The following ZNF688 variants were observed in gnomAD, a reference collection of about 807,000 sequenced individuals.
ZNF688 encodes zinc finger protein 688.
Under a neutral mutation model 13.2 loss-of-function variants are expected in ZNF688, and 10 were observed. The observed-to-expected ratio is 0.76, with a 90% CI of 0.47 to 1.28. ZNF688 has a LOEUF of 1.28. Among genes scored for constraint, ZNF688 ranks in the 50% most tolerant of loss-of-function variants. The pLI is 0.00. For synonymous variants in ZNF688, 160 were observed against 159.4 expected (o/e 1.00, Z -0.03); for missense variants, 381 against 391.4 (o/e 0.97, Z 0.22).
chr16:30,576,758 G>T (rs2051751600), upstream of ZNF688, among the ~76,000 whole-genome samples: 1 of 151,904 alleles, frequency 6.6e-6, no homozygotes, highest in Non-Finnish European at 1.5e-5. Context: ...CTTCTATTAT[G>T]ATTATTATTA....
At chr16:30,578,677 C>T in the ZNF688 span, 2 of 152,146 alleles carry the variant, frequency 1.3e-5, no homozygotes, top group African/African-American at 4.8e-5. Flanking sequence ...GCATGTGCCA[C>T]CATGCCTGGC....
chr16:30,578,018 G>A, the ZNF688 span, among the ~76,000 whole-genome samples: 1 of 152,092 alleles, frequency 6.6e-6, no homozygotes, highest in African/African-American at 2.4e-5. Context: ...TAGCTGATGA[G>A]TTGTTTTTCC....
the ZNF688 span, chr16:30,578,238 A>C: frequency 6.6e-6 from 1 of 152,284 alleles, no homozygotes. Flanking sequence ...GGCTGAGATG[A>C]GAACGAGAAA....
At position 30,571,117 on chromosome 16, in the gene ZNF688, G is replaced by A; in HGVS notation, c.203C>T (p.Pro68Leu). 2 of 1,574,702 alleles carry A rather than the reference G, an allele frequency of 1.3e-6. No individual in the cohort carries two copies. Among genetic ancestry groups the A allele is most frequent in the Non-Finnish European group, 8.6e-7 (1 of 1,160,854 alleles). Residue 68 changes from proline (P) to leucine (L), a missense_variant, in exon 2 of 3, where the codon CCA becomes CTA. Coordinates refer to ENST00000223459, the MANE Select transcript of ZNF688 (RefSeq NM_145271.4). Reference sequence around the variant, plus strand: ...AGAGATGAGGGCTGGTTTGGGGCCTGGGAATCCTGGGAGAGAACAGGGATC... The same window carrying A: ...AGAGATGAGGGCTGGTTTGGGGCCTAGGAATCCTGGGAGAGAACAGGGATC... ...TYGHLGALGFPGPKPALISWM... is the reference protein window; with the variant it reads ...TYGHLGALGFLGPKPALISWM...
chr16:30,573,097 G>A (rs1036646986), upstream of ZNF688, among the ~76,000 whole-genome samples: 4 of 151,708 alleles, frequency 2.6e-5, no homozygotes, highest in Non-Finnish European at 5.9e-5. Context: ...GTAGAGACGG[G>A]GTTTCTCCAT....
the ZNF688 span, among the ~76,000 whole-genome samples, chr16:30,578,097 G>A: frequency 3.3e-5 from 5 of 152,156 alleles, no homozygotes; most frequent in African/African-American, 1.2e-4. Context: ...CTACCACTTT[G>A]GGAGGCTCAG....
At chr16:30,575,675 A>G (rs1216140121), upstream of ZNF688, among the ~76,000 whole-genome samples, 1 of 142,658 alleles carries the variant, frequency 7.0e-6, no homozygotes, top group East Asian at 2.0e-4. Flanking sequence ...TTTTTTTTGG[A>G]GAAGGAGTTT....
chr16:30,579,740 T>C, the ZNF688 span: 1 of 452,008 alleles, frequency 2.2e-6, no homozygotes, highest in East Asian at 7.0e-5. Context: ...TTCAAAGAGA[T>C]ATTTGAGTCA....
chr16:30,575,066 T>A (rs973173162), upstream of ZNF688, among the ~76,000 whole-genome samples: 4 of 152,210 alleles, frequency 2.6e-5, no homozygotes, highest in African/African-American at 9.7e-5. Context: ...CCACTGTGTA[T>A]ATATATCATA....
At chr16:30,572,973 C>G (rs536108835), upstream of ZNF688, among the ~76,000 whole-genome samples, 1 of 152,270 alleles carries the variant, frequency 6.6e-6, no homozygotes, top group Non-Finnish European at 1.5e-5. Context: ...ATGGCGCTAT[C>G]TAGGCTCACC....
Position 30,570,399 on chromosome 16 carries a change from TTCC to T in ZNF688, c.345_347del (p.Glu116del). The T allele has an allele frequency of 6.2e-7, 1 of 1,613,380 alleles. No individual in the cohort carries two copies. Among genetic ancestry groups the T allele is most frequent in the Middle Eastern group, 1.7e-4 (1 of 6,060 alleles). On this transcript the variant is annotated inframe_deletion, in exon 3 of 3. Transcript: ENST00000223459. ...TTCTAGGCCCTTTGGCTCTTGGGAC[TTCC>T]TCCGGTTCCTCTTCCTTCCTGTTTG...
In ZNF688 at chr16:30,569,892, C is replaced by G. The variant is rs778788970; in HGVS notation, c.*24G>C. 21 of 1,513,626 alleles carry G rather than the reference C, an allele frequency of 1.4e-5. No homozygotes were observed. The East Asian group carries it at 4.6e-4, about 33-fold the overall frequency. The allele number at this position is 1,513,626 out of a possible 1,614,324, so 93.8% of individuals were successfully genotyped here. ...GTCAGTCCTTCGTGCCAAGGTCAGGCTCAACTCCAGCCTGCGGTGCCGCTC... is the reference window on the plus strand; with the variant it reads ...GTCAGTCCTTCGTGCCAAGGTCAGGGTCAACTCCAGCCTGCGGTGCCGCTC... On this transcript the variant is annotated 3_prime_UTR_variant, in exon 3 of 3. Transcript: ENST00000223459.
Position 30,569,989 on chromosome 16 carries a change from G to C in ZNF688, c.758C>G (p.Ala253Gly). The change falls in exon 3 of 3, where the codon GCC becomes GGC. Residue 253 changes from alanine to glycine, a missense_variant. By Grantham distance (60) the Ala-to-Gly change is moderately conservative (BLOSUM62 0). Transcript: ENST00000223459. The part of the protein sequence containing the change: ...RRPGIRAVPR[A>G]PVRGDRDPPV... ...CGGGTCCCGGTCACCTCGGACGGGGGCCCGAGGCACAGCCCGGATCCCAGG... is the reference window on the plus strand; with the variant it reads ...CGGGTCCCGGTCACCTCGGACGGGGCCCCGAGGCACAGCCCGGATCCCAGG... 5.6e-6 allele frequency: 9 copies of C among 1,607,116 alleles called. No homozygotes were observed. Among genetic ancestry groups the C allele is most frequent in the Non-Finnish European group, 6.8e-6 (8 of 1,177,194 alleles).
chr16:30,573,820 AAAT>A (rs2051720984), upstream of ZNF688: 3 of 245,178 alleles, frequency 1.2e-5, no homozygotes, highest in Non-Finnish European at 2.6e-5. Flanking sequence ...GTTAATAATT[AAAT>A]ATTATTAATA....
intron 2 of ZNF688, 109 bp downstream of exon 2, chr16:30,570,901 A>C: frequency 8.4e-7 from 1 of 1,188,222 alleles, no homozygotes; most frequent in African/African-American, 1.5e-5. Context: ...TCTAGTACCC[A>C]ACACAGTTGA....
rs766386255 is a variant in ZNF688, at chr16:30,571,009, C to T, written c.310+1G>A. 20 of 1,613,756 alleles carry T rather than the reference C, an allele frequency of 1.2e-5. No homozygotes were observed. In the Admixed American group the frequency reaches 3.3e-4, roughly 27 times the overall value. ...TGGGGGGACCCGGGACTATCCCTCA[C>T]CTCTCCGAGCTCCTCCCAGTCTTTC... On this transcript the variant is annotated splice_donor_variant, in intron 2 of 2. Coordinates refer to ENST00000223459, the MANE Select transcript of ZNF688 (RefSeq NM_145271.4). LOFTEE classifies it high-confidence loss of function.
chr16:30,571,012 C>G lies in ZNF688; in HGVS notation c.308G>C (p.Arg103Thr). Reference protein sequence around the residue: ...EKGERLGGARRGDVPNRKEEE... With the variant: ...EKGERLGGARTGDVPNRKEEE... ...GGGGACCCGGGACTATCCCTCACCT[C>G]TCCGAGCTCCTCCCAGTCTTTCCCC... is the stretch of plus-strand genomic sequence containing the variant. The change falls in exon 2 of 3, where the codon AGA becomes ACA. Residue 103 changes from arginine to threonine, a missense_variant and splice_region_variant. Arg to Thr is a moderately conservative substitution (Grantham distance 71). Coordinates refer to ENST00000223459, the MANE Select transcript of ZNF688 (RefSeq NM_145271.4). 1 of 1,613,960 alleles carries G rather than the reference C, an allele frequency of 6.2e-7. No homozygotes were observed. Among genetic ancestry groups the G allele is most frequent in the Non-Finnish European group, 8.5e-7 (1 of 1,179,954 alleles).
At chr16:30,571,201 AC>A in intron 1 of ZNF688, 78 bp from the exon 2 acceptor site, 1 of 1,514,752 alleles carries the variant, frequency 6.6e-7, no homozygotes, top group Non-Finnish European at 8.8e-7. Context: ...GGCTGAGGGC[AC>A]CCCCTCGGAG....
intron 1 of ZNF688, 21 bp downstream of exon 1, chr16:30,571,413 G>T: frequency 1.9e-6 from 3 of 1,551,448 alleles, no homozygotes; most frequent in Non-Finnish European, 2.6e-6. Flanking sequence ...GGAGGAGGGG[G>T]CTCGGACCCG....
Sources: allele counts gnomAD v4.1 joint callset (sites outside exome capture counted in the v4.1 genomes callset), GRCh38; gene constraint gnomAD v4.1.1; transcripts MANE v1.5; gene names NCBI Gene and HGNC (gene_info 2026-07-23, HGNC 2026-07-21).